Variants in ALDH4A1 observed in about 807,000 individuals in gnomAD.
ALDH4A1 encodes the protein delta-1-pyrroline-5-carboxylate dehydrogenase, mitochondrial.
In ALDH4A1, 46 loss-of-function variants were observed where a neutral mutation model predicts 70.5. That is an observed-to-expected ratio of 0.65 (90% confidence interval 0.51 to 0.83). The LOEUF (loss-of-function observed/expected upper bound fraction) is 0.83, where lower values mean the gene tolerates loss of function less well. Ranked by LOEUF, ALDH4A1 falls within the 40% of genes least tolerant of loss-of-function variation. ALDH4A1 has a pLI of 0.00. For synonymous variants in ALDH4A1, 323 were observed against 324.3 expected (o/e 1.00, Z 0.04); for missense variants, 749 against 766.5 (o/e 0.98, Z 0.27).
intron 9 of ALDH4A1, among the ~76,000 whole-genome samples, chr1:18,879,015 T>C (rs1934853030): frequency 6.6e-6 from 1 of 152,226 alleles, no homozygotes; most frequent in Non-Finnish European, 1.5e-5. Flanking sequence ...GCTACTAAGA[T>C]TTAACTTAAT....
chr1:18,885,763 C>G, intron 4 of ALDH4A1, 135 bp from the exon 5 acceptor site: 1 of 1,287,688 alleles, frequency 7.8e-7, no homozygotes. Flanking sequence ...GCCCTCAGCC[C>G]CCTGCCACCA....
At chr1:18,892,562 G>C (rs181134904) in intron 1 of ALDH4A1, among the ~76,000 whole-genome samples, 27 of 151,840 alleles carry the variant, frequency 1.8e-4, no homozygotes, top group African/African-American at 4.8e-4. Flanking sequence ...AGGAGGCGGG[G>C]GGGGGCTGAG....
chr1:18,881,084 G>A (rs1037812843), intron 8 of ALDH4A1, among the ~76,000 whole-genome samples: 2 of 152,090 alleles, frequency 1.3e-5, no homozygotes, highest in Non-Finnish European at 2.9e-5. Context: ...GCCAGTGAGT[G>A]CATGGATGGT....
chr1:18,883,454 G>A, intron 5 of ALDH4A1, 26 bp from the exon 6 acceptor site: 1 of 1,612,664 alleles, frequency 6.2e-7, no homozygotes, highest in Non-Finnish European at 8.5e-7. Context: ...CCGGGGGTCA[G>A]GAGCAGCCAA....
chr1:18,884,186 G>A (rs1037436706), intron 5 of ALDH4A1, among the ~76,000 whole-genome samples: 7 of 152,190 alleles, frequency 4.6e-5, no homozygotes, highest in African/African-American at 1.7e-4. Flanking sequence ...ACTGATCCTA[G>A]ACTGTCTTCC....
intron 9 of ALDH4A1, 134 bp downstream of exon 9, chr1:18,879,165 TG>T: frequency 1.2e-6 from 1 of 821,876 alleles, no homozygotes; most frequent in Non-Finnish European, 2.0e-6. Context: ...AAAGTTCTAC[TG>T]GGCAGTGCTG....
chr1:18,885,431 A>ACCCCCCCCCCCCCCCCCCCCCCCC lies in ALDH4A1; in HGVS notation c.453+41_453+42insGGGGGGGGGGGGGGGGGGGGGGGG, dbSNP rs1553154222. 6.3e-5 allele frequency: 30 copies of ACCCCCCCCCCCCCCCCCCCCCCCC among 478,970 alleles called. 1 individual carries two copies. The highest frequency in any genetic ancestry group is 6.0e-4 in the Middle Eastern group (1 of 1,678). The allele number at this position is 478,970 out of a possible 1,614,324, so 29.7% of individuals were successfully genotyped here. On this transcript the variant is annotated intron_variant, in intron 5 of 14. Coordinates refer to ENST00000375341, the MANE Select transcript of ALDH4A1 (RefSeq NM_003748.4). ...CATGGGTAGGGCACACCTGACTCCC[A>ACCCCCCCCCCCCCCCCCCCCCCCC]CCCCACCCCGCCCCACCCACCCGGG...
At chr1:18,882,284 G>A (rs1486808158) in intron 7 of ALDH4A1, among the ~76,000 whole-genome samples, 5 of 151,862 alleles carry the variant, frequency 3.3e-5, no homozygotes, top group South Asian at 2.1e-4. Context: ...GCACGTGGGC[G>A]CCTGGCCATG....
intron 1 of ALDH4A1, among the ~76,000 whole-genome samples, chr1:18,895,075 G>A (rs897668377): frequency 2.6e-5 from 4 of 152,090 alleles, no homozygotes; most frequent in Non-Finnish European, 4.4e-5. Flanking sequence ...TGGCAACGAT[G>A]CAGAGATAAA....
chr1:18,882,848 T>C (rs940270497), intron 7 of ALDH4A1, among the ~76,000 whole-genome samples: 3 of 152,228 alleles, frequency 2.0e-5, no homozygotes, highest in Admixed American at 2.0e-4. Context: ...AACCCAGTCA[T>C]GGAGGCTTTC....
Position 18,872,143 on chromosome 1 carries a change from G to A in ALDH4A1, c.*702C>T, listed in dbSNP as rs3202002. 0.4 allele frequency: 60,767 copies of A among 152,480 alleles called. 13,063 individuals carry two copies. The highest frequency in any genetic ancestry group is 0.68 in the East Asian group (3,522 of 5,182). The allele number at this position is 152,480 out of a possible 1,614,324, so 9.4% of individuals were successfully genotyped here. On this transcript the variant is annotated 3_prime_UTR_variant, in exon 15 of 15. Coordinates refer to ENST00000375341, the MANE Select transcript of ALDH4A1 (RefSeq NM_003748.4). Reference sequence around the variant, plus strand: ...GTTTTCCAGAATCACGGCCTAAACCGGCAGGACCATCCCATCCCACGCCTT... The same window carrying A: ...GTTTTCCAGAATCACGGCCTAAACCAGCAGGACCATCCCATCCCACGCCTT...
At chr1:18,881,389 T>C (rs544175687) in intron 8 of ALDH4A1, among the ~76,000 whole-genome samples, 1 of 152,174 alleles carries the variant, frequency 6.6e-6, no homozygotes, top group African/African-American at 2.4e-5. Flanking sequence ...CCCTTTCCAG[T>C]AGCAGAGGTA....
At chr1:18,886,254 T>C (rs905814139) in intron 4 of ALDH4A1, among the ~76,000 whole-genome samples, 126 of 152,318 alleles carry the variant, frequency 8.3e-4, no homozygotes, top group Non-Finnish European at 2.5e-4. Context: ...AGCTTGTGTT[T>C]GGCTCAAGTT....
At position 18,882,815 on chromosome 1, in the gene ALDH4A1, G is replaced by A. The variant is rs529589515; in HGVS notation, c.678+309C>T. The A allele has an allele frequency of 5.0e-6, 3 of 597,972 alleles. No homozygotes were observed. In the African/African-American group the frequency reaches 5.4e-5, roughly 11 times the overall value. The allele number at this position is 597,972 out of a possible 1,614,324, so 37.0% of individuals were successfully genotyped here. ...TCCGGGCCAGCCCTGCCTGCTGCTG[G>A]ATGTGTCTCATTTGAGCCTCACAAC... On this transcript the variant is annotated intron_variant, in intron 7 of 14. Transcript: ENST00000375341.
At position 18,885,619 on chromosome 1, in the gene ALDH4A1, T is replaced by G. The variant is rs1205171545; in HGVS notation, c.307A>C (p.Asn103His). The change falls in exon 5 of 15, where the codon AAC becomes CAC. Residue 103 changes from asparagine (N) to histidine (H), a missense_variant. Asn to His is a moderately conservative substitution (Grantham distance 68, BLOSUM62 1). Coordinates refer to ENST00000375341, the MANE Select transcript of ALDH4A1 (RefSeq NM_003748.4). ...KFCYADKSLL[N>H]KAIEAALAAR... ...GCCAGGGCAGCCTCAATGGCTTTGT[T>G]GAGCAGGCTCTAAAGGGAGAGGGAG... The G allele has an allele frequency of 2.5e-6, 4 of 1,614,010 alleles. No homozygotes were observed. The highest frequency in any genetic ancestry group is 3.4e-6 in the Non-Finnish European group (4 of 1,180,014).
At chr1:18,891,580 T>C (rs1180887209) in intron 1 of ALDH4A1, among the ~76,000 whole-genome samples, 1 of 152,030 alleles carries the variant, frequency 6.6e-6, no homozygotes, top group Non-Finnish European at 1.5e-5. Context: ...CAGGGTGACT[T>C]GGGGAGGGTT....
At chr1:18,882,965 C>T in intron 7 of ALDH4A1, 159 bp downstream of exon 7, 1 of 949,472 alleles carries the variant, frequency 1.1e-6, no homozygotes, top group Non-Finnish European at 1.7e-6. Context: ...AACTGGGTCT[C>T]TGGTCCCAAA....
chr1:18,887,422 ACC>A (rs1935252180), intron 3 of ALDH4A1, among the ~76,000 whole-genome samples: 4 of 152,182 alleles, frequency 2.6e-5, no homozygotes, highest in Non-Finnish European at 4.4e-5. Flanking sequence ...ACATGGTGAA[ACC>A]CTCTCTCTAC....
chr1:18,877,560 G>T lies in ALDH4A1; in HGVS notation c.993C>A (p.Ser331Arg), dbSNP rs372376622. The change falls in exon 10 of 15, where the codon AGC becomes AGA. Residue 331 changes from serine (S) to arginine (R), a missense_variant. Ser to Arg is a moderately radical substitution (Grantham distance 110). Coordinates refer to ENST00000375341, the MANE Select transcript of ALDH4A1 (RefSeq NM_003748.4). The part of the protein sequence containing the change: ...HFVHRSADVE[S>R]VVSGTLRSAF... Reference sequence around the variant, plus strand: ...CTGAGCGGAGGGTCCCGCTCACCACGCTCTCCACGTCGGCCGAGCGGTGCA... The same window carrying T: ...CTGAGCGGAGGGTCCCGCTCACCACTCTCTCCACGTCGGCCGAGCGGTGCA... 6.2e-7 allele frequency: 1 copy of T among 1,611,808 alleles called. No homozygotes were observed. The highest frequency in any genetic ancestry group is 1.1e-5 in the South Asian group (1 of 90,974).
Sources: gnomAD v4.1 joint callset for allele counts (sites outside exome capture counted in the v4.1 genomes callset) on GRCh38, gnomAD v4.1.1 for gene constraint, MANE v1.5 for transcripts, NCBI Gene and HGNC (gene_info 2026-07-23, HGNC 2026-07-21) for gene names.